CORO1B: variants seen among roughly 807,000 people sequenced by gnomAD.
CORO1B encodes the protein coronin 1B.
CORO1B carries 30 observed loss-of-function variants against 51.1 expected under a neutral mutation model. The observed-to-expected ratio is 0.59, with a 90% CI of 0.44 to 0.80. The LOEUF is 0.80. Among genes scored for constraint, CORO1B ranks in the 30% least tolerant of loss-of-function variants. The pLI is 0.00. For synonymous variants in CORO1B, 310 were observed against 289.7 expected (o/e 1.07, Z -0.71); for missense variants, 648 against 700.4 (o/e 0.93, Z 0.84).
chr11:67,437,296 G>A lies in CORO1B; in HGVS notation c.*1080C>T. On this transcript the variant is annotated 3_prime_UTR_variant, in exon 11 of 11. Transcript: ENST00000341356. ...GGTGTCGGGGGAGGGGTGCTGAGGT[G>A]CAGCCAGCCTCCCCCACCACCCCAG... The A allele has an allele frequency of 3.2e-6, 1 of 311,528 alleles. No individual in the cohort carries two copies. Among genetic ancestry groups the A allele is most frequent in the East Asian group, 4.9e-5 (1 of 20,392 alleles). 19.3% of individuals were successfully genotyped at this position (311,528 alleles called of 1,614,324 possible).
rs1352536496 is a variant in CORO1B, at chr11:67,435,742, G to A, written c.*2634C>T. On this transcript the variant is annotated 3_prime_UTR_variant, in exon 11 of 11. Coordinates refer to ENST00000341356, the MANE Select transcript of CORO1B (RefSeq NM_020441.3). ...ACACCAAGACCGGCCTCTACAGTGCGGTGACATGGAGGCCCTGGCCCCCAG... is the reference window on the plus strand; with the variant it reads ...ACACCAAGACCGGCCTCTACAGTGCAGTGACATGGAGGCCCTGGCCCCCAG... 3 of 1,537,846 alleles carry A rather than the reference G, an allele frequency of 2.0e-6. No homozygotes were observed. Among genetic ancestry groups the A allele is most frequent in the African/African-American group, 1.4e-5 (1 of 73,202 alleles).
chr11:67,443,735 G>GT, upstream of CORO1B: 1 of 985,306 alleles, frequency 1.0e-6, no homozygotes, highest in Non-Finnish European at 1.2e-6. Context: ...GGCGCCGCAG[G>GT]TGCGGGTGCA....
In CORO1B at chr11:67,443,391, C is replaced by G; in HGVS notation, c.-3+13G>C. On this transcript the variant is annotated intron_variant, in intron 1 of 10. Coordinates refer to ENST00000341356, the MANE Select transcript of CORO1B (RefSeq NM_020441.3). ...CCAGCCCGCGCCCCTAGCCCCGGCCCTGCCGCGCTCACCGGGGGCACCGGG... is the reference window on the plus strand; with the variant it reads ...CCAGCCCGCGCCCCTAGCCCCGGCCGTGCCGCGCTCACCGGGGGCACCGGG... The G allele has an allele frequency of 1.1e-6, 1 of 902,044 alleles. No homozygotes were observed. Among genetic ancestry groups the G allele is most frequent in the African/African-American group, 1.8e-5 (1 of 55,734 alleles). 55.9% of individuals were successfully genotyped at this position (902,044 alleles called of 1,614,324 possible).
chr11:67,439,458 G>A (rs920974163), intron 9 of CORO1B, among the ~76,000 whole-genome samples: 1 of 152,202 alleles, frequency 6.6e-6, no homozygotes, highest in Non-Finnish European at 1.5e-5. Flanking sequence ...CCTGCCCCCA[G>A]TGGATGGCGC....
In CORO1B at chr11:67,438,054, TAGAA is replaced by T; in HGVS notation, c.*318_*321del. ...TGCAGCAGCAGGTCAGCCTGGCTTT[TAGAA>T]AGAGAATTTTATTTGGAATGAAAAT... On this transcript the variant is annotated 3_prime_UTR_variant, in exon 11 of 11. Transcript: ENST00000341356. 2.8e-6 allele frequency: 1 copy of T among 359,076 alleles called. No homozygotes were observed. Among genetic ancestry groups the T allele is most frequent in the Non-Finnish European group, 5.0e-6 (1 of 199,962 alleles). 22.2% of individuals were successfully genotyped at this position (359,076 alleles called of 1,614,324 possible).
At position 67,440,268 on chromosome 11, in the gene CORO1B, G is replaced by A; in HGVS notation, c.862-5C>T. The A allele has an allele frequency of 6.2e-7, 1 of 1,613,224 alleles. No homozygotes were observed. The highest frequency in any genetic ancestry group is 1.3e-5 in the African/African-American group (1 of 75,044). On this transcript the variant is annotated splice_polypyrimidine_tract_variant and splice_region_variant and intron_variant, in intron 7 of 10. Coordinates refer to ENST00000341356, the MANE Select transcript of CORO1B (RefSeq NM_020441.3). ...GTACCGGATGCTGGAGTCACCCTGT[G>A]TGGGGAGGGGGCTCAGCACCTGGGC...
rs1398128525 is a variant in CORO1B, at chr11:67,438,041, T to C, written c.*335A>G. 2.8e-6 allele frequency: 1 copy of C among 356,474 alleles called. No individual in the cohort carries two copies. Among genetic ancestry groups the C allele is most frequent in the East Asian group, 4.3e-5 (1 of 23,436 alleles). 22.1% of individuals were successfully genotyped at this position (356,474 alleles called of 1,614,324 possible). On this transcript the variant is annotated 3_prime_UTR_variant, in exon 11 of 11. Transcript: ENST00000341356. ...TCAGCCCCACCCTTGCAGCAGCAGG[T>C]CAGCCTGGCTTTTAGAAAGAGAATT...
intron 8 of CORO1B, 68 bp downstream of exon 8, chr11:67,440,050 A>T: frequency 6.5e-7 from 1 of 1,540,474 alleles, no homozygotes; most frequent in Non-Finnish European, 8.7e-7. Context: ...GCTCCCAAGC[A>T]GCCTCCAATG....
chr11:67,442,639 C>G lies in CORO1B; in HGVS notation c.-2-9G>C. On this transcript the variant is annotated splice_polypyrimidine_tract_variant and intron_variant, in intron 1 of 10. Transcript: ENST00000341356. Reference sequence around the variant, plus strand: ...TTTGCGGAAGGACATGTCTGCGGGACAGAGAGGCCTGGGTCAGTCCGGCCC... The same window carrying G: ...TTTGCGGAAGGACATGTCTGCGGGAGAGAGAGGCCTGGGTCAGTCCGGCCC... The G allele has an allele frequency of 6.2e-7, 1 of 1,612,810 alleles. No individual in the cohort carries two copies. Among genetic ancestry groups the G allele is most frequent in the East Asian group, 2.2e-5 (1 of 44,874 alleles).
rs1864431664 is a variant in CORO1B, at chr11:67,443,244, A to T, written c.-3+160T>A. ...ACTTCCAGGGACCTCCGCCCAGGAGAGGAGAGGCTGGGCGGCCAAGGGGAG... is the reference window on the plus strand; with the variant it reads ...ACTTCCAGGGACCTCCGCCCAGGAGTGGAGAGGCTGGGCGGCCAAGGGGAG... On this transcript the variant is annotated intron_variant, in intron 1 of 10. Coordinates refer to ENST00000341356, the MANE Select transcript of CORO1B (RefSeq NM_020441.3). Among the ~76,000 whole-genome samples, 4 of 152,044 alleles carry T rather than the reference A, an allele frequency of 2.6e-5. No homozygotes were observed. In the South Asian group the frequency reaches 8.3e-4, roughly 32 times the overall value.
rs751765679 is a variant in CORO1B, at chr11:67,436,336, G to A, written c.*2040C>T. 2.0e-6 allele frequency: 3 copies of A among 1,486,356 alleles called. No homozygotes were observed. Among genetic ancestry groups the A allele is most frequent in the Non-Finnish European group, 2.7e-6 (3 of 1,119,054 alleles). The allele number at this position is 1,486,356 out of a possible 1,614,324, so 92.1% of individuals were successfully genotyped here. A position where few individuals can be genotyped will look rare whatever the true frequency, so the allele number is the denominator to read the frequency against. On this transcript the variant is annotated 3_prime_UTR_variant, in exon 11 of 11. Transcript: ENST00000341356. The stretch of plus-strand genomic sequence containing the variant: ...GGGCCAGCAGCATCCCGAGCCCTAA[G>A]GTGCAGGGCAGAGCCTGTGGGAGAC...
In CORO1B at chr11:67,438,025, C is replaced by T. The variant is rs1864320453; in HGVS notation, c.*351G>A. On this transcript the variant is annotated 3_prime_UTR_variant, in exon 11 of 11. Coordinates refer to ENST00000341356, the MANE Select transcript of CORO1B (RefSeq NM_020441.3). The stretch of plus-strand genomic sequence containing the variant: ...CAGGTTTCCAGACTTCTCAGCCCCA[C>T]CCTTGCAGCAGCAGGTCAGCCTGGC... 2.8e-6 allele frequency: 1 copy of T among 355,440 alleles called. No individual in the cohort carries two copies. Among genetic ancestry groups the T allele is most frequent in the Non-Finnish European group, 5.1e-6 (1 of 197,378 alleles). 22.0% of individuals were successfully genotyped at this position (355,440 alleles called of 1,614,324 possible). A position where few individuals can be genotyped will look rare whatever the true frequency, so the allele number is the denominator to read the frequency against.
At chr11:67,441,695 GT>G (rs1664507023) in intron 4 of CORO1B, 37 bp downstream of exon 4, 5 of 1,322,870 alleles carry the variant, frequency 3.8e-6, no homozygotes, top group Admixed American at 3.8e-5. Flanking sequence ...GGAGGGGTCC[GT>G]GGGGGGGGGG....
chr11:67,440,416 G>A lies in CORO1B; in HGVS notation c.780C>T (p.Ala260=). ...CGTTGCTCGAGTCCAGTTCCTGCAGGGCCATGGGTTCCTCGAGGTTTTCCT... is the reference window on the plus strand; with the variant it reads ...CGTTGCTCGAGTCCAGTTCCTGCAGAGCCATGGGTTCCTCGAGGTTTTCCT... ...WDPENLEEPM[A]LQELDSSNGA... Residue 260 remains alanine, a synonymous_variant, in exon 7 of 11, where the codon GCC becomes GCT. Transcript: ENST00000341356. 1 of 1,613,866 alleles carries A rather than the reference G, an allele frequency of 6.2e-7. No individual in the cohort carries two copies. Among genetic ancestry groups the A allele is most frequent in the Non-Finnish European group, 8.5e-7 (1 of 1,179,994 alleles).
rs554963461 is a variant in CORO1B, at chr11:67,438,541, G to A, written c.1345-40C>T. ...AGCAGGGGTAGGGGGCGGTGGTCAGGGGCTGCTAAGCCATAGCCCTCCCAA... is the reference window on the plus strand; with the variant it reads ...AGCAGGGGTAGGGGGCGGTGGTCAGAGGCTGCTAAGCCATAGCCCTCCCAA... On this transcript the variant is annotated intron_variant, in intron 10 of 10. Transcript: ENST00000341356. 65 of 1,581,398 alleles carry A rather than the reference G, an allele frequency of 4.1e-5. No individual in the cohort carries two copies. The South Asian group carries it at 6.6e-4, about 16-fold the overall frequency.
chr11:67,436,380 C>T lies in CORO1B; in HGVS notation c.*1996G>A. 7.0e-7 allele frequency: 1 copy of T among 1,432,502 alleles called. No individual in the cohort carries two copies. Among genetic ancestry groups the T allele is most frequent in the Non-Finnish European group, 9.1e-7 (1 of 1,096,188 alleles). 88.7% of individuals were successfully genotyped at this position (1,432,502 alleles called of 1,614,324 possible). Reference sequence around the variant, plus strand: ...GGGAGACAGGCAGGGGCTCAGAGGGCTCAGCACCTGGGGTGGGGCCTGGTG... The same window carrying T: ...GGGAGACAGGCAGGGGCTCAGAGGGTTCAGCACCTGGGGTGGGGCCTGGTG... On this transcript the variant is annotated 3_prime_UTR_variant, in exon 11 of 11. Coordinates refer to ENST00000341356, the MANE Select transcript of CORO1B (RefSeq NM_020441.3).
chr11:67,436,429 C>G lies in CORO1B; in HGVS notation c.*1947G>C. ...TGTGGGGCAGGCTGGGTGACCAAGA[C>G]CACTTTCGTTTTTTTCTCTTTGGGA... On this transcript the variant is annotated 3_prime_UTR_variant, in exon 11 of 11. Coordinates refer to ENST00000341356, the MANE Select transcript of CORO1B (RefSeq NM_020441.3). The G allele has an allele frequency of 7.1e-7, 1 of 1,404,840 alleles. No homozygotes were observed. 87.0% of individuals were successfully genotyped at this position (1,404,840 alleles called of 1,614,324 possible).
chr11:67,436,862 C>G lies in CORO1B; in HGVS notation c.*1514G>C, dbSNP rs954635203. ...TGTCTTATCTACCCCCCACAATAAG[C>G]TGCTAGGAAACGGGGGCTTTTTGGG... is the stretch of plus-strand genomic sequence containing the variant. On this transcript the variant is annotated 3_prime_UTR_variant, in exon 11 of 11. Transcript: ENST00000341356. The G allele has an allele frequency of 6.5e-6, 1 of 154,046 alleles. No individual in the cohort carries two copies. Among genetic ancestry groups the G allele is most frequent in the African/African-American group, 2.4e-5 (1 of 41,484 alleles). 9.5% of individuals were successfully genotyped at this position (154,046 alleles called of 1,614,324 possible).
rs1864371506 is a variant in CORO1B at position 67,440,373 on chromosome 11, A to G, written c.823T>C (p.Tyr275His). ...TAGACCACACTGGTGTCGGGGTCGT[A>G]GAAGGGCAGCAGGGCCCCGTTGCTC... ...DSSNGALLPFYDPDTSVVYVC... is the reference protein window; with the variant it reads ...DSSNGALLPFHDPDTSVVYVC... Residue 275 changes from tyrosine to histidine, a missense_variant, in exon 7 of 11, where the codon TAC (tyrosine) becomes CAC (histidine). Physicochemically the swap from Tyr to His is moderately conservative, Grantham distance 83. Transcript: ENST00000341356. 3 of 1,613,748 alleles carry G rather than the reference A, an allele frequency of 1.9e-6. No individual in the cohort carries two copies. The highest frequency in any genetic ancestry group is 2.7e-5 in the African/African-American group (2 of 74,936).
Sources: gnomAD v4.1 joint callset for allele counts (sites outside exome capture counted in the v4.1 genomes callset) on GRCh38, gnomAD v4.1.1 for gene constraint, MANE v1.5 for transcripts, NCBI Gene and HGNC (gene_info 2026-07-23, HGNC 2026-07-21) for gene names.